Variants in SLC17A1 observed in about 807,000 individuals in gnomAD.
SLC17A1 encodes solute carrier family 17 member 1, also known as sodium-dependent phosphate transport protein 1.
Under a neutral mutation model 53.5 loss-of-function variants are expected in SLC17A1, and 51 were observed. The observed-to-expected ratio is 0.95, with a 90% confidence interval of 0.76 to 1.20. SLC17A1 has a LOEUF of 1.20. SLC17A1 is among the 50% of genes most tolerant of loss of function. SLC17A1 has a pLI of 0.00. For missense variants in SLC17A1, 538 were observed against 568.2 expected (o/e 0.95, Z 0.54); for synonymous variants, 179 against 198.8 (o/e 0.90, Z 0.84).
chr6:25,730,655 A>G, the SLC17A1 span, among the ~76,000 whole-genome samples: 1 of 152,250 alleles, frequency 6.6e-6, no homozygotes, highest in African/African-American at 2.4e-5. Context: ...CATAAAAAAT[A>G]TGTGGGGTAA....
At chr6:25,766,526 A>G in the SLC17A1 span, among the ~76,000 whole-genome samples, 1 of 152,158 alleles carries the variant, frequency 6.6e-6, no homozygotes, top group Admixed American at 6.5e-5. Flanking sequence ...AAAAAGAAAA[A>G]AGAGAGTAAT....
chr6:25,786,999 A>C (rs981452056), intron 12 of SLC17A1, among the ~76,000 whole-genome samples: 1 of 152,060 alleles, frequency 6.6e-6, no homozygotes, highest in African/African-American at 2.4e-5. Flanking sequence ...TGCTATTTAA[A>C]GTGACCACAG....
intron 12 of SLC17A1, among the ~76,000 whole-genome samples, chr6:25,783,786 C>T (rs1763318876): frequency 6.6e-6 from 1 of 151,890 alleles, no homozygotes; most frequent in Non-Finnish European, 1.5e-5. Flanking sequence ...GTCCTGCACC[C>T]ACCACACACT....
At chr6:25,726,491 C>T in the SLC17A1 span, 8 of 1,612,424 alleles carry the variant, frequency 5.0e-6, no homozygotes, top group East Asian at 2.2e-5. Context: ...TTAGACTTGG[C>T]GCGTGCTTTT....
the SLC17A1 span, among the ~76,000 whole-genome samples, chr6:25,755,845 C>T: frequency 1.3e-5 from 2 of 152,126 alleles, no homozygotes; most frequent in African/African-American, 4.8e-5. Flanking sequence ...CTCATTTCGC[C>T]AACTTCTTTG....
At chr6:25,770,039 A>G in the SLC17A1 span, 2 of 1,601,796 alleles carry the variant, frequency 1.2e-6, no homozygotes, top group East Asian at 4.5e-5. Flanking sequence ...TCAACTAAAG[A>G]CAAACAGTAA....
the SLC17A1 span, chr6:25,777,711 C>T: frequency 2.2e-6 from 1 of 461,280 alleles, no homozygotes. Context: ...GTCCCTAGCA[C>T]AGGATTATAC....
At chr6:25,802,555 T>C (rs1244830618) in intron 10 of SLC17A1, among the ~76,000 whole-genome samples, 10 of 152,254 alleles carry the variant, frequency 6.6e-5, no homozygotes, top group African/African-American at 2.4e-4. Context: ...ATTGGAGGTC[T>C]ATGGCTGCTG....
chr6:25,783,993 C>G (rs1224845384), intron 12 of SLC17A1, among the ~76,000 whole-genome samples: 1 of 76,274 alleles, frequency 1.3e-5, no homozygotes, highest in African/African-American at 3.4e-5. Flanking sequence ...GGCCAAGGTT[C>G]TAAACTGGGT....
intron 2 of SLC17A1, 69 bp from the exon 3 acceptor site, chr6:25,826,702 G>T: frequency 8.5e-7 from 1 of 1,173,364 alleles, no homozygotes; most frequent in Non-Finnish European, 1.1e-6. Context: ...AACTATAGGA[G>T]GGACATTCAG....
Position 25,811,679 on chromosome 6 carries a change from A to G in SLC17A1, c.989T>C (p.Ile330Thr). 1 of 1,613,936 alleles carries G rather than the reference A, an allele frequency of 6.2e-7. No homozygotes were observed. ...QLSDFFLTRN[I>T]LSVIAVRKLF... ...TTTCCGGACAGCAATTACGCTGAGA[A>G]TATTCCTGGTCAGGAAGAAGTCTGA... The change falls in exon 9 of 13, where the codon ATT becomes ACT. Residue 330 changes from isoleucine (I) to threonine (T), a missense_variant. Coordinates refer to ENST00000244527, the MANE Select transcript of SLC17A1 (RefSeq NM_005074.5).
chr6:25,828,461 ACT>A (rs1377250800), intron 2 of SLC17A1, among the ~76,000 whole-genome samples: 8 of 152,194 alleles, frequency 5.3e-5, no homozygotes, highest in Non-Finnish European at 1.0e-4. Context: ...AGATAATCAT[ACT>A]GTTTTCCTCT....
chr6:25,732,173 C>T, the SLC17A1 span: 1 of 416,098 alleles, frequency 2.4e-6, no homozygotes. Context: ...GTTTATCTTC[C>T]AAGTTCACAG....
chr6:25,745,271 T>G, the SLC17A1 span, among the ~76,000 whole-genome samples: 2 of 152,162 alleles, frequency 1.3e-5, no homozygotes, highest in Non-Finnish European at 2.9e-5. Context: ...TACAGAAATG[T>G]TAGTGGAAGT....
the SLC17A1 span, among the ~76,000 whole-genome samples, chr6:25,739,175 C>T: frequency 3.9e-5 from 6 of 152,076 alleles, no homozygotes; most frequent in Non-Finnish European, 7.4e-5. Flanking sequence ...GTCTAAGATC[C>T]GGGTGCTGGC....
intron 12 of SLC17A1, 93 bp downstream of exon 12, chr6:25,798,690 C>G: frequency 6.6e-6 from 8 of 1,206,310 alleles, no homozygotes; most frequent in Non-Finnish European, 5.7e-6. Context: ...AACCTGCACC[C>G]GTTATTCCTT....
At position 25,830,622 on chromosome 6, in the gene SLC17A1, C is replaced by T; in HGVS notation, c.-50-15G>A. ...GCCTCCACCCACTGTGAGTGCAAAA[C>T]ACGTTGATGTCAGCATAATGTAGAG... On this transcript the variant is annotated splice_polypyrimidine_tract_variant and intron_variant, in intron 1 of 12. Coordinates refer to ENST00000244527, the MANE Select transcript of SLC17A1 (RefSeq NM_005074.5). 1.9e-6 allele frequency: 3 copies of T among 1,591,300 alleles called. No homozygotes were observed. Among genetic ancestry groups the T allele is most frequent in the South Asian group, 2.2e-5 (2 of 90,534 alleles).
At chr6:25,791,703 G>A (rs1337196254) in intron 12 of SLC17A1, among the ~76,000 whole-genome samples, 1 of 152,204 alleles carries the variant, frequency 6.6e-6, no homozygotes, top group African/African-American at 2.4e-5. Flanking sequence ...TGACTCCAAA[G>A]CTGCTGAATG....
chr6:25,761,895 C>T, the SLC17A1 span: 2 of 1,285,760 alleles, frequency 1.6e-6, no homozygotes, highest in Non-Finnish European at 2.2e-6. Context: ...AAGATTCTCC[C>T]TGTATTTTCT....
Sources: allele counts gnomAD v4.1 joint callset (sites outside exome capture counted in the v4.1 genomes callset), GRCh38; gene constraint gnomAD v4.1.1; transcripts MANE v1.5; gene names NCBI Gene and HGNC (gene_info 2026-07-23, HGNC 2026-07-21).